The following ERC2 variants were observed in gnomAD, a reference collection of about 807,000 sequenced individuals.
ERC2 encodes ELKS/RAB6-interacting/CAST family member 2.
A neutral mutation model predicts 114.8 loss-of-function variants in ERC2; 42 were observed. That is an observed-to-expected ratio of 0.37 (90% CI 0.29 to 0.47). The LOEUF (loss-of-function observed/expected upper bound fraction) is 0.47. Among genes scored for constraint, ERC2 ranks in the 20% least tolerant of loss-of-function variants. The pLI, the probability that ERC2 is intolerant of heterozygous loss-of-function variation, is 0.99. For missense variants in ERC2, 939 were observed against 1,150.7 expected (o/e 0.82, Z 2.66); for synonymous variants, 454 against 425.5 (o/e 1.07, Z -0.82).
chr3:55,760,019 G>A (rs549963838), intron 14 of ERC2, among the ~76,000 whole-genome samples: 2 of 152,134 alleles, frequency 1.3e-5, no homozygotes, highest in South Asian at 4.2e-4. Flanking sequence ...GCACCCCTCC[G>A]TGACATAAAC....
At chr3:56,413,907 T>C (rs2061041225) in intron 2 of ERC2, among the ~76,000 whole-genome samples, 1 of 152,142 alleles carries the variant, frequency 6.6e-6, no homozygotes, top group South Asian at 2.1e-4. Context: ...TGTGCACCCA[T>C]AGAAACCACA....
At chr3:55,705,465 A>T (rs750021694) in intron 15 of ERC2, among the ~76,000 whole-genome samples, 2 of 152,156 alleles carry the variant, frequency 1.3e-5, no homozygotes, top group African/African-American at 2.4e-5. Context: ...TGTATGTGAG[A>T]TGAAAATTCA....
intron 1 of ERC2, among the ~76,000 whole-genome samples, chr3:56,441,457 GA>G (rs1360320006): frequency 3.3e-5 from 5 of 152,114 alleles, no homozygotes; most frequent in Non-Finnish European, 7.3e-5. Flanking sequence ...CAAAAGAACT[GA>G]AACACTTAGG....
chr3:55,669,567 A>C (rs966148023), intron 17 of ERC2, among the ~76,000 whole-genome samples: 2 of 152,234 alleles, frequency 1.3e-5, no homozygotes, highest in African/African-American at 4.8e-5. Flanking sequence ...CCTACTTCAA[A>C]ACATGATTGT....
At position 56,149,099 on chromosome 3, in the gene ERC2, T is replaced by G; in HGVS notation, c.1183A>C (p.Arg395=). Residue 395 remains arginine, a synonymous_variant, in exon 5 of 18, where the codon AGG becomes CGG. Coordinates refer to ENST00000288221, the MANE Select transcript of ERC2 (RefSeq NM_015576.3). The stretch of plus-strand genomic sequence containing the variant: ...ATCTGGATCTCATCCTCAAGATCCC[T>G]TATGTTTCGTTCCAATGAAGCGATT... The part of the protein sequence containing the change: ...TKIASLERNI[R]DLEDEIQMLK... 2 of 1,611,938 alleles carry G rather than the reference T, an allele frequency of 1.2e-6. No homozygotes were observed. The highest frequency in any genetic ancestry group is 1.7e-6 in the Non-Finnish European group (2 of 1,178,832).
At chr3:55,895,419 C>G (rs1433838738) in intron 13 of ERC2, among the ~76,000 whole-genome samples, 5 of 152,180 alleles carry the variant, frequency 3.3e-5, no homozygotes, top group African/African-American at 1.2e-4. Context: ...GAAGCAGAAG[C>G]AGCCACACAG....
chr3:56,081,559 T>C (rs898355423), intron 6 of ERC2, among the ~76,000 whole-genome samples: 1 of 149,692 alleles, frequency 6.7e-6, no homozygotes, highest in African/African-American at 2.5e-5. Context: ...CAAATACTTT[T>C]AAAGAAAAAA....
chr3:56,406,728 G>A (rs2060741363), intron 2 of ERC2, among the ~76,000 whole-genome samples: 1 of 152,098 alleles, frequency 6.6e-6, no homozygotes, highest in African/African-American at 2.4e-5. Context: ...AACTTGAACA[G>A]TATTATTGTG....
At chr3:55,953,660 C>T (rs557325080) in intron 12 of ERC2, among the ~76,000 whole-genome samples, 6 of 152,094 alleles carry the variant, frequency 3.9e-5, no homozygotes, top group East Asian at 3.9e-4. Context: ...CAGGGAAGCC[C>T]TAAGGCTACC....
chr3:55,733,008 AT>A lies in ERC2; in HGVS notation c.2712+1762del, dbSNP rs556620870. Among the ~76,000 whole-genome samples, 24 of 152,154 alleles carry A rather than the reference AT, an allele frequency of 1.6e-4. 1 individual carries two copies. Among genetic ancestry groups the A allele is most frequent in the Non-Finnish European group, 3.2e-4 (22 of 68,040 alleles). ...CTGACCTGAGACCTTTGGATCATGTATGCATCGTAGCTGGACCAGTGGTACT... is the reference window on the plus strand; with the variant it reads ...CTGACCTGAGACCTTTGGATCATGTAGCATCGTAGCTGGACCAGTGGTACT... On this transcript the variant is annotated intron_variant, in intron 15 of 17. Coordinates refer to ENST00000288221, the MANE Select transcript of ERC2 (RefSeq NM_015576.3).
chr3:55,807,503 A>C (rs2059537029), intron 14 of ERC2, among the ~76,000 whole-genome samples: 1 of 151,542 alleles, frequency 6.6e-6, no homozygotes, highest in Admixed American at 6.6e-5. Context: ...TTTGTGGGTC[A>C]TATGAACACT....
chr3:56,281,078 T>C (rs1223913058), intron 3 of ERC2, among the ~76,000 whole-genome samples: 1 of 152,196 alleles, frequency 6.6e-6, no homozygotes, highest in African/African-American at 2.4e-5. Flanking sequence ...CTGTAACAAA[T>C]TGTAATTCCT....
At chr3:56,018,404 T>A (rs1405764658) in intron 8 of ERC2, among the ~76,000 whole-genome samples, 1 of 152,140 alleles carries the variant, frequency 6.6e-6, no homozygotes, top group African/African-American at 2.4e-5. Context: ...GTGAGGAATA[T>A]CCTCAGCTGG....
At chr3:56,155,172 TC>T (rs1448174243) in intron 4 of ERC2, among the ~76,000 whole-genome samples, 1 of 152,098 alleles carries the variant, frequency 6.6e-6, no homozygotes, top group Admixed American at 6.6e-5. Context: ...CTTCGCAACA[TC>T]CCCATGGTTT....
intron 13 of ERC2, among the ~76,000 whole-genome samples, chr3:55,895,637 G>T (rs1432722588): frequency 2.0e-5 from 3 of 152,098 alleles, no homozygotes. Flanking sequence ...CAGAGACTGT[G>T]TCTCCATCTT....
chr3:56,392,179 A>G (rs2060151948), intron 2 of ERC2, among the ~76,000 whole-genome samples: 1 of 152,252 alleles, frequency 6.6e-6, no homozygotes, highest in Admixed American at 6.5e-5. Flanking sequence ...AGATGCATGT[A>G]GATTTATCCA....
chr3:55,750,686 T>G (rs138653977), intron 14 of ERC2, among the ~76,000 whole-genome samples: 5 of 152,352 alleles, frequency 3.3e-5, no homozygotes, highest in African/African-American at 1.2e-4. Flanking sequence ...CTCTTTTGCT[T>G]ACTTATGCCT....
At chr3:56,246,547 G>C (rs1576060040) in intron 3 of ERC2, among the ~76,000 whole-genome samples, 1 of 152,048 alleles carries the variant, frequency 6.6e-6, no homozygotes, top group African/African-American at 2.4e-5. Context: ...CATGTTTCCA[G>C]ATTAACTCAA....
chr3:55,732,659 G>A (rs1490246648), intron 15 of ERC2, among the ~76,000 whole-genome samples: 1 of 152,210 alleles, frequency 6.6e-6, no homozygotes, highest in African/African-American at 2.4e-5. Context: ...ATGGGGACAT[G>A]AGGAGCAAAG....
Sources: gnomAD v4.1 joint callset for allele counts (sites outside exome capture counted in the v4.1 genomes callset) on GRCh38, gnomAD v4.1.1 for gene constraint, MANE v1.5 for transcripts, NCBI Gene and HGNC (gene_info 2026-07-23, HGNC 2026-07-21) for gene names.